The following PPP3CC variants were observed in gnomAD, a reference collection of about 807,000 sequenced individuals.
PPP3CC encodes the protein serine/threonine-protein phosphatase 2B catalytic subunit gamma isoform.
In PPP3CC, 35 loss-of-function variants were observed where a neutral mutation model predicts 60.3. The ratio of observed to expected loss-of-function variants is 0.58; its 90% CI spans 0.44 to 0.77. The LOEUF is 0.77. Among genes scored for constraint, PPP3CC ranks in the 30% least tolerant of loss-of-function variants. The pLI is 0.00. For missense variants in PPP3CC, 570 were observed against 628.9 expected, an observed-to-expected ratio of 0.91 and a Z score of 1.00; for synonymous variants, 206 against 224.3, an observed-to-expected ratio of 0.92 and a Z score of 0.73.
chr8:22,485,075 T>C (rs1436844551), intron 3 of PPP3CC, among the ~76,000 whole-genome samples: 1 of 152,204 alleles, frequency 6.6e-6, no homozygotes, highest in Middle Eastern at 3.2e-3. Context: ...AACAACAGAC[T>C]GTTTGAATGA....
chr8:22,512,808 G>A (rs185862221), intron 5 of PPP3CC, among the ~76,000 whole-genome samples: 1 of 152,190 alleles, frequency 6.6e-6, no homozygotes, highest in East Asian at 1.9e-4. Context: ...CGGGCGCGGT[G>A]GTTCACGCCT....
intron 3 of PPP3CC, among the ~76,000 whole-genome samples, chr8:22,480,838 G>A (rs1838040987): frequency 6.6e-6 from 1 of 152,214 alleles, no homozygotes; most frequent in South Asian, 2.1e-4. Context: ...GCTTAAGCCT[G>A]TAATCCCACT....
intron 12 of PPP3CC, among the ~76,000 whole-genome samples, chr8:22,535,663 C>A (rs1206766571): frequency 1.3e-5 from 2 of 152,112 alleles, no homozygotes; most frequent in African/African-American, 2.4e-5. Flanking sequence ...GCCTGGCCAT[C>A]CTGCCATTTA....
chr8:22,442,281 G>A (rs1836695798), intron 1 of PPP3CC, among the ~76,000 whole-genome samples: 1 of 152,196 alleles, frequency 6.6e-6, no homozygotes, highest in Admixed American at 6.5e-5. Flanking sequence ...CAATCGGTTT[G>A]AAAGCGCTAT....
intron 10 of PPP3CC, among the ~76,000 whole-genome samples, chr8:22,529,393 T>A (rs1165974535): frequency 1.3e-5 from 2 of 152,214 alleles, no homozygotes; most frequent in Non-Finnish European, 2.9e-5. Flanking sequence ...TTTAATTAAA[T>A]TTTTAGTTTA....
rs7430 is a variant in PPP3CC at position 22,540,901 on chromosome 8, G to C, written c.*99G>C. 0.49 allele frequency: 559,250 copies of C among 1,143,060 alleles called. 139,673 individuals are homozygous for C. Among genetic ancestry groups the C allele is most frequent in the African/African-American group, 0.77 (48,645 of 63,488 alleles). The allele number at this position is 1,143,060 out of a possible 1,614,324, so 70.8% of individuals were successfully genotyped here. ...AAAAGCAACTCAAAACAACTTCAAC[G>C]TGGAGGTGCATTTATAATTCAGTCT... On this transcript the variant is annotated 3_prime_UTR_variant, in exon 14 of 14. Transcript: ENST00000240139.
At chr8:22,456,793 T>C (rs1423675992) in intron 1 of PPP3CC, among the ~76,000 whole-genome samples, 2 of 152,218 alleles carry the variant, frequency 1.3e-5, no homozygotes, top group African/African-American at 4.8e-5. Flanking sequence ...AGTTTGGCTA[T>C]TGTTTTTAAT....
chr8:22,499,505 A>G (rs1448639532), intron 4 of PPP3CC, among the ~76,000 whole-genome samples: 2 of 152,194 alleles, frequency 1.3e-5, no homozygotes, highest in Non-Finnish European at 1.5e-5. Context: ...TAAAAAACAG[A>G]TAACATGGTG....
At chr8:22,498,637 TGTA>T (rs1390033982) in intron 4 of PPP3CC, among the ~76,000 whole-genome samples, 2 of 152,238 alleles carry the variant, frequency 1.3e-5, no homozygotes, top group Non-Finnish European at 1.5e-5. Context: ...TTTCACCTAA[TGTA>T]GTAGCATTTT....
At chr8:22,492,962 A>G (rs1838452297) in intron 3 of PPP3CC, 4 of 1,262,130 alleles carry the variant, frequency 3.2e-6, no homozygotes, top group South Asian at 1.2e-5. Flanking sequence ...GTTTAAGGAG[A>G]CTGGCTGAAG....
rs564000713 is a variant in PPP3CC, at chr8:22,525,032, T to A, written c.943+2283T>A. On this transcript the variant is annotated intron_variant, in intron 8 of 13. Transcript: ENST00000240139. ...CAGGCAAGGTGGAGCATGCCTATAG[T>A]CCTAGCTACTCAGGAGGCTGAGGCA... Among the ~76,000 whole-genome samples the A allele has an allele frequency of 8.5e-5, 13 of 152,184 alleles. No individual in the cohort carries two copies. The South Asian group carries it at 2.7e-3, about 32-fold the overall frequency.
chr8:22,473,097 A>G lies in PPP3CC; in HGVS notation c.50-1857A>G, dbSNP rs1837779272. 2.0e-5 allele frequency among the ~76,000 whole-genome samples: 3 copies of G among 152,232 alleles called. No individual in the cohort carries two copies. In the South Asian group the frequency reaches 6.2e-4, roughly 31 times the overall value. On this transcript the variant is annotated intron_variant, in intron 1 of 13. Coordinates refer to ENST00000240139, the MANE Select transcript of PPP3CC (RefSeq NM_005605.5). The stretch of plus-strand genomic sequence containing the variant: ...AGTAGCTGAAAGCATGACGAAACTT[A>G]TAATAGGACTTTCTTTACTTGTAAA...
In PPP3CC at chr8:22,541,057, A is replaced by C; in HGVS notation, c.*255A>C. The C allele has an allele frequency of 3.8e-6, 1 of 266,224 alleles. No individual in the cohort carries two copies. The highest frequency in any genetic ancestry group is 1.2e-3 in the Middle Eastern group (1 of 868). 16.5% of individuals were successfully genotyped at this position (266,224 alleles called of 1,614,324 possible). A position where few individuals can be genotyped will look rare whatever the true frequency, so the allele number is the denominator to read the frequency against. ...TTAAGAAATGAATCTGATTGTTGTC[A>C]ACACATTTGTGAAGTCTTGTGCTAT... On this transcript the variant is annotated 3_prime_UTR_variant, in exon 14 of 14. Transcript: ENST00000240139.
intron 3 of PPP3CC, among the ~76,000 whole-genome samples, chr8:22,483,424 C>T (rs1294178579): frequency 2.0e-5 from 3 of 152,092 alleles, no homozygotes; most frequent in African/African-American, 4.8e-5. Flanking sequence ...GTAGCTGGGA[C>T]TACAGGCATG....
At chr8:22,522,847 A>T in intron 8 of PPP3CC, 98 bp downstream of exon 8, 1 of 902,698 alleles carries the variant, frequency 1.1e-6, no homozygotes, top group East Asian at 2.7e-5. Context: ...ATTTTAAAAC[A>T]TAAATTTTAA....
chr8:22,476,959 TAGTTGCC>T (rs1837907934), intron 3 of PPP3CC, among the ~76,000 whole-genome samples: 1 of 151,410 alleles, frequency 6.6e-6, no homozygotes, highest in Non-Finnish European at 1.5e-5. Context: ...AGTTCAATGT[TAGTTGCC>T]AGTGCACAAA....
At chr8:22,457,797 A>AC (rs768042250) in intron 1 of PPP3CC, among the ~76,000 whole-genome samples, 5 of 152,258 alleles carry the variant, frequency 3.3e-5, no homozygotes, top group Non-Finnish European at 5.9e-5. Context: ...AATGTGTTAA[A>AC]CTTGTATATT....
At chr8:22,501,887 C>T (rs1054456868) in intron 4 of PPP3CC, among the ~76,000 whole-genome samples, 1 of 152,146 alleles carries the variant, frequency 6.6e-6, no homozygotes, top group East Asian at 1.9e-4. Flanking sequence ...AGTCAGCCTG[C>T]ATGGTGGTAC....
intron 12 of PPP3CC, 39 bp downstream of exon 12, chr8:22,533,057 C>A: frequency 1.4e-6 from 2 of 1,432,542 alleles, no homozygotes; most frequent in Admixed American, 2.1e-5. Flanking sequence ...GGTGTGCTCC[C>A]GTTACCTAAC....
Sources: allele counts gnomAD v4.1 joint callset (sites outside exome capture counted in the v4.1 genomes callset), GRCh38; gene constraint gnomAD v4.1.1; transcripts MANE v1.5; gene names NCBI Gene and HGNC (gene_info 2026-07-23, HGNC 2026-07-21).